Variants in ATXN10 observed in about 807,000 individuals in gnomAD.
ATXN10 encodes the protein ataxin-10.
A neutral mutation model predicts 52.9 loss-of-function variants in ATXN10; 28 were observed. The ratio of observed to expected loss-of-function variants is 0.53; its 90% confidence interval spans 0.39 to 0.73. ATXN10 has a LOEUF of 0.73. ATXN10 is among the 30% of genes least tolerant of loss of function. The probability of loss-of-function intolerance (pLI) is 0.00; values close to 1 mark genes in which losing one functional copy is unlikely to be tolerated. For synonymous variants in ATXN10, 226 were observed against 221.5 expected (o/e 1.02, Z -0.18); for missense variants, 565 against 577.0 (o/e 0.98, Z 0.21).
chr22:45,723,848 C>T (rs755283015), intron 6 of ATXN10, among the ~76,000 whole-genome samples: 1 of 151,528 alleles, frequency 6.6e-6, no homozygotes, highest in Admixed American at 6.6e-5. Context: ...CCCAGCTACT[C>T]GGGGAGGTTG....
Position 45,712,999 on chromosome 22 carries a change from T to G in ATXN10, c.648-5414T>G, listed in dbSNP as rs751413675. ...AAAAACATTTTCTAGGTTTTTGAAC[T>G]GATTGAAATCTATTTTACTCATGTT... On this transcript the variant is annotated intron_variant, in intron 5 of 11. Transcript: ENST00000252934. The surrounding 1 kb of genome is among the most constrained non-coding windows in gnomAD (Gnocchi z 4.6). Among the ~76,000 whole-genome samples, 2 of 152,200 alleles carry G rather than the reference T, an allele frequency of 1.3e-5. No individual in the cohort carries two copies. The highest frequency in any genetic ancestry group is 2.9e-5 in the Non-Finnish European group (2 of 68,044).
chr22:45,777,602 G>C (rs1416808762), intron 9 of ATXN10, among the ~76,000 whole-genome samples: 1 of 152,212 alleles, frequency 6.6e-6, no homozygotes, highest in Admixed American at 6.5e-5. Context: ...AACAGAAATG[G>C]CCAATCCTGT....
At position 45,708,519 on chromosome 22, in the gene ATXN10, G is replaced by A. The variant is rs562875619; in HGVS notation, c.647+5672G>A. 6.6e-6 allele frequency among the ~76,000 whole-genome samples: 1 copy of A among 152,168 alleles called. No homozygotes were observed. Among genetic ancestry groups the A allele is most frequent in the Non-Finnish European group, 1.5e-5 (1 of 68,026 alleles). On this transcript the variant is annotated intron_variant, in intron 5 of 11. Coordinates refer to ENST00000252934, the MANE Select transcript of ATXN10 (RefSeq NM_013236.4). This position sits in a 1 kb window ranked among gnomAD's most constrained non-coding sequence, Gnocchi z 5.3. Reference sequence around the variant, plus strand: ...CAGCATTGCAAGTGATGCCAAACTCGAGGGCCTATCCCATTTTTATTAATA... The same window carrying A: ...CAGCATTGCAAGTGATGCCAAACTCAAGGGCCTATCCCATTTTTATTAATA...
chr22:45,779,827 A>G (rs1197501133), intron 9 of ATXN10, among the ~76,000 whole-genome samples: 2 of 152,208 alleles, frequency 1.3e-5, no homozygotes, highest in South Asian at 2.1e-4. Context: ...ACAAAGAAAA[A>G]GAATCATTCG....
intron 9 of ATXN10, among the ~76,000 whole-genome samples, chr22:45,749,669 C>G (rs760880667): frequency 3.3e-5 from 5 of 151,556 alleles, no homozygotes; most frequent in Non-Finnish European, 7.4e-5. Flanking sequence ...TCAGGCAGTT[C>G]TCCTACCTCA....
chr22:45,830,537 A>C (rs940078273), intron 10 of ATXN10, among the ~76,000 whole-genome samples: 3 of 152,196 alleles, frequency 2.0e-5, no homozygotes, highest in Non-Finnish European at 4.4e-5. Flanking sequence ...TCAAAAATGG[A>C]CAAAAGACTT....
intron 6 of ATXN10, among the ~76,000 whole-genome samples, chr22:45,722,844 T>G (rs1416451950): frequency 6.6e-6 from 1 of 152,134 alleles, no homozygotes; most frequent in Non-Finnish European, 1.5e-5. Flanking sequence ...ATTGTTCGTT[T>G]TTTTTCTTCA....
rs1184026722 is a variant in ATXN10, at chr22:45,781,445, G to C, written c.1174-25514G>C. Among the ~76,000 whole-genome samples, 1 of 152,190 alleles carries C rather than the reference G, an allele frequency of 6.6e-6. No individual in the cohort carries two copies. The highest frequency in any genetic ancestry group is 2.4e-5 in the African/African-American group (1 of 41,438). ...GGACCTAGATCTTCACCACAACCTG[G>C]CAGTAGTGAGCTGCTCTGCCTTCCA... On this transcript the variant is annotated intron_variant, in intron 9 of 11. Transcript: ENST00000252934. The surrounding 1 kb of genome is among the most constrained non-coding windows in gnomAD (Gnocchi z 4.2).
rs1929406639 is a variant in ATXN10 at position 45,843,220 on chromosome 22, G to T, written c.1425+42G>T. 6.2e-7 allele frequency: 1 copy of T among 1,605,126 alleles called. No individual in the cohort carries two copies. Among genetic ancestry groups the T allele is most frequent in the African/African-American group, 1.3e-5 (1 of 74,742 alleles). ...GAACTGTCCTTCCCTTTGGTTTGTA[G>T]AAAGCTGTTTCCACTTCCCCATTGC... On this transcript the variant is annotated intron_variant, in intron 11 of 11. Transcript: ENST00000252934. The surrounding 1 kb of genome is among the most constrained non-coding windows in gnomAD (Gnocchi z 4.5).
At chr22:45,793,842 G>C in intron 9 of ATXN10, 1 of 1,293,228 alleles carries the variant, frequency 7.7e-7, no homozygotes, top group Non-Finnish European at 9.8e-7. Flanking sequence ...AATAATTCAA[G>C]GGTGAGCTGG....
At chr22:45,815,831 A>C (rs182470146) in intron 10 of ATXN10, among the ~76,000 whole-genome samples, 57 of 152,354 alleles carry the variant, frequency 3.7e-4, no homozygotes, top group African/African-American at 1.2e-3. Context: ...ATCCATGTAA[A>C]GGATGAATGT....
chr22:45,737,564 ATTTAT>A (rs748234750), intron 7 of ATXN10, among the ~76,000 whole-genome samples: 2 of 152,060 alleles, frequency 1.3e-5, no homozygotes, highest in Non-Finnish European at 2.9e-5. Flanking sequence ...GTTTTTTGCT[ATTTAT>A]TTTGAGATTT....
intron 1 of ATXN10, among the ~76,000 whole-genome samples, chr22:45,682,577 T>C (rs556806236): frequency 2.6e-5 from 4 of 152,282 alleles, no homozygotes; most frequent in South Asian, 4.1e-4. Flanking sequence ...CCCAAAGTGC[T>C]GGGATTACAG....
At chr22:45,804,064 G>A (rs935188222) in intron 9 of ATXN10, among the ~76,000 whole-genome samples, 5 of 152,096 alleles carry the variant, frequency 3.3e-5, no homozygotes, top group African/African-American at 1.2e-4. Flanking sequence ...TCTAAAAAAA[G>A]GCATAAGAAT....
chr22:45,775,728 T>C lies in ATXN10; in HGVS notation c.1174-31231T>C, dbSNP rs933548633. 7.2e-5 allele frequency among the ~76,000 whole-genome samples: 11 copies of C among 152,230 alleles called. No homozygotes were observed. The highest frequency in any genetic ancestry group is 1.2e-4 in the Non-Finnish European group (8 of 68,044). Reference sequence around the variant, plus strand: ...AAAAACAGCGGTTGAGTAGTTTCCATGCTTCAAGTTTTACTTCCTCATTAG... The same window carrying C: ...AAAAACAGCGGTTGAGTAGTTTCCACGCTTCAAGTTTTACTTCCTCATTAG... On this transcript the variant is annotated intron_variant, in intron 9 of 11. Coordinates refer to ENST00000252934, the MANE Select transcript of ATXN10 (RefSeq NM_013236.4). This position sits in a 1 kb window ranked among gnomAD's most constrained non-coding sequence, Gnocchi z 4.7.
At chr22:45,720,141 A>T (rs1451074171) in intron 6 of ATXN10, among the ~76,000 whole-genome samples, 1 of 152,106 alleles carries the variant, frequency 6.6e-6, no homozygotes, top group Non-Finnish European at 1.5e-5. Context: ...TTACCTTTTC[A>T]GTTCATACTG....
At chr22:45,777,216 T>A (rs1013048228) in intron 9 of ATXN10, among the ~76,000 whole-genome samples, 4 of 152,240 alleles carry the variant, frequency 2.6e-5, no homozygotes, top group African/African-American at 7.2e-5. Flanking sequence ...AGCCTATAAT[T>A]ATCAAGATTA....
intron 1 of ATXN10, chr22:45,675,747 G>T (rs1388600327): frequency 6.6e-6 from 1 of 152,144 alleles, no homozygotes; most frequent in Admixed American, 6.5e-5. Flanking sequence ...GCTAAATTTT[G>T]GGCTAATTTG....
In ATXN10 at chr22:45,702,755, T is replaced by G. The variant is rs1301967015; in HGVS notation, c.555T>G (p.Leu185=). Residue 185 remains leucine (L), a synonymous_variant, in exon 5 of 12, where the codon CTT becomes CTG. Transcript: ENST00000252934. ...AYSSMILFTS[L]NHERMKELEE... ...CTTCAATGATTTTGTTTACATCCCT[T>G]AATCATGAAAGAATGAAAGAACTGG... is the stretch of plus-strand genomic sequence containing the variant. 4 of 1,614,026 alleles carry G rather than the reference T, an allele frequency of 2.5e-6. No homozygotes were observed. Among genetic ancestry groups the G allele is most frequent in the Non-Finnish European group, 2.5e-6 (3 of 1,179,930 alleles).
Sources: allele counts gnomAD v4.1 joint callset (sites outside exome capture counted in the v4.1 genomes callset), GRCh38; gene constraint gnomAD v4.1.1; non-coding constraint Gnocchi (gnomAD v3.1); transcripts MANE v1.5; gene names NCBI Gene and HGNC (gene_info 2026-07-23, HGNC 2026-07-21).